The following ADGRB3 variants were observed in gnomAD, a reference collection of about 807,000 sequenced individuals.
ADGRB3 encodes the protein brain-specific angiogenesis inhibitor 3.
A neutral mutation model predicts 193.4 loss-of-function variants in ADGRB3; 37 were observed. That is an observed-to-expected ratio of 0.19 (90% CI 0.15 to 0.25). The LOEUF (loss-of-function observed/expected upper bound fraction) is 0.25. ADGRB3 is among the 10% of genes least tolerant of loss of function. The pLI, the probability that ADGRB3 is intolerant of heterozygous loss-of-function variation, is 1.00. For missense variants in ADGRB3, 1,637 were observed against 1,852.9 expected (o/e 0.88, Z 2.14); for synonymous variants, 690 against 644.2 (o/e 1.07, Z -1.08).
At chr6:68,816,513 G>A (rs532525814) in intron 3 of ADGRB3, among the ~76,000 whole-genome samples, 1 of 151,956 alleles carries the variant, frequency 6.6e-6, no homozygotes, top group South Asian at 2.1e-4. Flanking sequence ...TGATTTACAA[G>A]TTCTTATTTA....
intron 17 of ADGRB3, among the ~76,000 whole-genome samples, chr6:69,125,447 C>T (rs183498091): frequency 5.3e-5 from 8 of 152,210 alleles, no homozygotes; most frequent in African/African-American, 1.7e-4. Flanking sequence ...TAAGACCTCA[C>T]GATTGTGATT....
intron 17 of ADGRB3, among the ~76,000 whole-genome samples, chr6:69,120,999 C>CTTTTTTTTTTTTTTTTT (rs36095516): frequency 8.1e-6 from 1 of 123,566 alleles, no homozygotes; most frequent in Admixed American, 8.4e-5. Context: ...ATGCAGTTAT[C>CTTTTTTTTTTTTTTTTT]TTTTTTTTTT....
chr6:68,827,068 A>C (rs1767857959), intron 3 of ADGRB3, among the ~76,000 whole-genome samples: 1 of 152,280 alleles, frequency 6.6e-6, no homozygotes, highest in African/African-American at 2.4e-5. Context: ...CAAGCTCCCC[A>C]AAGTAGTGAG....
intron 31 of ADGRB3, among the ~76,000 whole-genome samples, chr6:69,387,296 T>C (rs532078475): frequency 6.6e-6 from 1 of 151,932 alleles, no homozygotes; most frequent in South Asian, 2.1e-4. Flanking sequence ...TAAATATTGA[T>C]TGAAGAGAAG....
chr6:68,856,438 C>T (rs1056638476), intron 3 of ADGRB3, among the ~76,000 whole-genome samples: 4 of 152,036 alleles, frequency 2.6e-5, no homozygotes, highest in African/African-American at 9.7e-5. Flanking sequence ...ACAATAGGGT[C>T]CAGGTTGAGG....
At chr6:69,263,476 A>G (rs1221167169) in intron 20 of ADGRB3, among the ~76,000 whole-genome samples, 1 of 152,038 alleles carries the variant, frequency 6.6e-6, no homozygotes, top group Non-Finnish European at 1.5e-5. Context: ...GTTAAGCATC[A>G]TTCAGGTTTC....
chr6:68,865,718 G>A (rs542600), intron 3 of ADGRB3, among the ~76,000 whole-genome samples: 67,989 of 151,858 alleles, frequency 0.45, 16,556 homozygotes, highest in East Asian at 0.6. Flanking sequence ...TCATTTTCCT[G>A]TACTGAATGC....
At chr6:68,726,756 T>G (rs886964488) in intron 3 of ADGRB3, among the ~76,000 whole-genome samples, 4 of 151,656 alleles carry the variant, frequency 2.6e-5, no homozygotes, top group Non-Finnish European at 5.9e-5. Context: ...CTTGCTGTAT[T>G]TTATGTTTGT....
chr6:68,787,999 T>C (rs1160686820), intron 3 of ADGRB3, among the ~76,000 whole-genome samples: 1 of 152,196 alleles, frequency 6.6e-6, no homozygotes, highest in South Asian at 2.1e-4. Context: ...TTGGTGGTGA[T>C]ATCCCCTTTA....
chr6:68,903,992 G>GAA (rs777405065), intron 3 of ADGRB3, among the ~76,000 whole-genome samples: 2,534 of 83,920 alleles, frequency 0.03, 84 homozygotes, highest in Middle Eastern at 0.064. Context: ...AAGACAATAT[G>GAA]AAAAAAAAAA....
intron 20 of ADGRB3, among the ~76,000 whole-genome samples, chr6:69,257,955 T>C (rs1434887769): frequency 6.6e-6 from 1 of 152,150 alleles, no homozygotes; most frequent in African/African-American, 2.4e-5. Flanking sequence ...TATCCTATAG[T>C]GGAGATTGTT....
At chr6:68,873,806 AG>A (rs1473851303) in intron 3 of ADGRB3, among the ~76,000 whole-genome samples, 1 of 152,090 alleles carries the variant, frequency 6.6e-6, no homozygotes, top group Non-Finnish European at 1.5e-5. Flanking sequence ...TCATTTTACT[AG>A]GAGTTTGTAT....
intron 21 of ADGRB3, among the ~76,000 whole-genome samples, chr6:69,326,249 A>G (rs1038658108): frequency 6.6e-6 from 1 of 152,170 alleles, no homozygotes; most frequent in Non-Finnish European, 1.5e-5. Context: ...TCTCACACCA[A>G]CACAAAAGTT....
At chr6:69,361,902 T>G (rs1202816841) in intron 29 of ADGRB3, among the ~76,000 whole-genome samples, 2 of 151,908 alleles carry the variant, frequency 1.3e-5, no homozygotes, top group Non-Finnish European at 2.9e-5. Flanking sequence ...GTGCACAGTG[T>G]CTACGTGGCA....
intron 6 of ADGRB3, among the ~76,000 whole-genome samples, chr6:68,955,193 T>G (rs1768037955): frequency 6.6e-6 from 1 of 152,158 alleles, no homozygotes; most frequent in Non-Finnish European, 1.5e-5. Flanking sequence ...TTATCCTAAG[T>G]ATGTTCTCTT....
At chr6:68,772,690 A>G (rs1766641310) in intron 3 of ADGRB3, among the ~76,000 whole-genome samples, 1 of 151,482 alleles carries the variant, frequency 6.6e-6, no homozygotes. Context: ...TATTAATTAC[A>G]AACACTACAG....
intron 3 of ADGRB3, among the ~76,000 whole-genome samples, chr6:68,663,860 C>T (rs1348791327): frequency 2.0e-5 from 3 of 151,726 alleles, no homozygotes; most frequent in Admixed American, 6.6e-5. Context: ...AGTATTTTAG[C>T]GTGCTACACA....
intron 20 of ADGRB3, among the ~76,000 whole-genome samples, chr6:69,270,917 G>A (rs1767161478): frequency 6.6e-6 from 1 of 152,104 alleles, no homozygotes; most frequent in South Asian, 2.1e-4. Context: ...TATAGAATAA[G>A]CATTTTTTTC....
chr6:69,328,578 G>A (rs1469796990), intron 22 of ADGRB3, among the ~76,000 whole-genome samples: 1 of 152,204 alleles, frequency 6.6e-6, no homozygotes, highest in African/African-American at 2.4e-5. Flanking sequence ...CTTATTAAAA[G>A]CATATGTTTT....
Sources: gnomAD v4.1 joint callset for allele counts (sites outside exome capture counted in the v4.1 genomes callset) on GRCh38, gnomAD v4.1.1 for gene constraint, MANE v1.5 for transcripts, NCBI Gene and HGNC (gene_info 2026-07-23, HGNC 2026-07-21) for gene names.